The following ARHGAP18 variants were observed in gnomAD, a reference collection of about 807,000 sequenced individuals.
The protein encoded by ARHGAP18 is Rho GTPase activating protein 18.
In ARHGAP18, 67 loss-of-function variants were observed where a neutral mutation model predicts 86.2. The ratio of observed to expected loss-of-function variants is 0.78; its 90% CI spans 0.64 to 0.95. The LOEUF is 0.95. Ranked by LOEUF, ARHGAP18 falls within the 40% of genes least tolerant of loss-of-function variation. The pLI, the probability that ARHGAP18 is intolerant of heterozygous loss-of-function variation, is 0.00. For synonymous variants in ARHGAP18, 283 were observed against 280.4 expected (o/e 1.01, Z -0.09); for missense variants, 691 against 780.4 (o/e 0.89, Z 1.37).
intron 1 of ARHGAP18, among the ~76,000 whole-genome samples, chr6:129,655,600 C>CT (rs201887075): frequency 2.1e-3 from 304 of 148,128 alleles, no homozygotes; most frequent in Middle Eastern, 3.4e-3. Flanking sequence ...TTTTCTTGTT[C>CT]TTTTTTTTTT....
chr6:129,611,726 TTA>T, intron 7 of ARHGAP18, 116 bp from the exon 8 acceptor site: 1 of 800,800 alleles, frequency 1.2e-6, no homozygotes, highest in Non-Finnish European at 2.0e-6. Context: ...AAACTGGATT[TTA>T]TGAGGTTTTG....
In ARHGAP18 at chr6:129,710,022, A is replaced by C; in HGVS notation, c.113+2T>G. The C allele has an allele frequency of 6.2e-7, 1 of 1,612,488 alleles. No individual in the cohort carries two copies. The highest frequency in any genetic ancestry group is 8.5e-7 in the Non-Finnish European group (1 of 1,178,596). On this transcript the variant is annotated splice_donor_variant, in intron 1 of 14. Coordinates refer to ENST00000368149, the MANE Select transcript of ARHGAP18 (RefSeq NM_033515.3). LOFTEE classifies it high-confidence loss of function. ...TTTTGTTTTCAGCTTCCGAAGGCTT[A>C]CCTCGAGGTGGCTTCCTCCCCTGCC... is the stretch of plus-strand genomic sequence containing the variant.
intron 7 of ARHGAP18, among the ~76,000 whole-genome samples, chr6:129,613,041 T>G (rs1193027209): frequency 2.0e-5 from 3 of 151,766 alleles, no homozygotes; most frequent in Non-Finnish European, 4.4e-5. Flanking sequence ...AGACCATCCT[T>G]GTTAACATGG....
chr6:129,628,634 C>T (rs1037114754), intron 5 of ARHGAP18, among the ~76,000 whole-genome samples: 7 of 152,156 alleles, frequency 4.6e-5, no homozygotes, highest in Non-Finnish European at 8.8e-5. Context: ...AAGGCATAAA[C>T]ATCCTCCATG....
Position 129,675,057 on chromosome 6 carries a change from C to T in ARHGAP18, c.114-33039G>A, listed in dbSNP as rs191728146. 7.9e-5 allele frequency among the ~76,000 whole-genome samples: 12 copies of T among 152,274 alleles called. 1 individual carries two copies. The South Asian group carries it at 1.2e-3, about 16-fold the overall frequency. Reference sequence around the variant, plus strand: ...TTACTGAGCTCTTACCATCTGCCAGCGACTCTTAAACATCTGCACAGGTAT... The same window carrying T: ...TTACTGAGCTCTTACCATCTGCCAGTGACTCTTAAACATCTGCACAGGTAT... On this transcript the variant is annotated intron_variant, in intron 1 of 14. Transcript: ENST00000368149.
At chr6:129,695,484 C>A (rs997245932) in intron 1 of ARHGAP18, among the ~76,000 whole-genome samples, 5 of 152,150 alleles carry the variant, frequency 3.3e-5, no homozygotes, top group Non-Finnish European at 7.3e-5. Context: ...TAAGAATGGG[C>A]CTTTCATTTT....
intron 1 of ARHGAP18, among the ~76,000 whole-genome samples, chr6:129,669,236 G>C (rs987297395): frequency 2.0e-5 from 3 of 151,662 alleles, no homozygotes; most frequent in Non-Finnish European, 4.4e-5. Flanking sequence ...CAATGGCGAG[G>C]TCACGGCTCA....
intron 13 of ARHGAP18, among the ~76,000 whole-genome samples, chr6:129,580,470 G>C (rs1295700027): frequency 6.6e-6 from 1 of 152,098 alleles, no homozygotes; most frequent in Non-Finnish European, 1.5e-5. Flanking sequence ...AAGCCAAAAT[G>C]GTCCTCATAA....
intron 12 of ARHGAP18, among the ~76,000 whole-genome samples, chr6:129,593,275 C>T (rs771049432): frequency 9.2e-5 from 14 of 151,950 alleles, no homozygotes; most frequent in African/African-American, 1.7e-4. Flanking sequence ...GCCTGTGTAA[C>T]GTAGCAAGAC....
intron 1 of ARHGAP18, among the ~76,000 whole-genome samples, chr6:129,708,615 A>G (rs1774842462): frequency 2.0e-5 from 3 of 152,178 alleles, no homozygotes; most frequent in Admixed American, 2.0e-4. Context: ...CATTCTCACA[A>G]TCAAGATCCA....
intron 5 of ARHGAP18, among the ~76,000 whole-genome samples, chr6:129,625,178 T>TATTA (rs1442407263): frequency 1.2e-5 from 1 of 86,092 alleles, no homozygotes; most frequent in Non-Finnish European, 2.0e-5. Context: ...ATATGATATA[T>TATTA]TATATATTAT....
intron 1 of ARHGAP18, among the ~76,000 whole-genome samples, chr6:129,658,617 C>T (rs17811901): frequency 0.21 from 32,274 of 151,992 alleles, 3,468 homozygotes; most frequent in Non-Finnish European, 0.22. Flanking sequence ...ATTTCTAATC[C>T]CCTAGGTCAT....
In ARHGAP18 at chr6:129,631,758, A is replaced by AT. The variant is rs869109192; in HGVS notation, c.617-2237dup. On this transcript the variant is annotated intron_variant, in intron 4 of 14. Transcript: ENST00000368149. ...CTGACTTTAAGATTCAATTGCTTCT[A>AT]TTTTAAAAAAAAAAAAAGATTTTTC... Among the ~76,000 whole-genome samples the AT allele has an allele frequency of 2.7e-3, 311 of 114,298 alleles. 2 individuals are homozygous for AT. The highest frequency in any genetic ancestry group is 0.01 in the African/African-American group (298 of 29,614). The allele number at this position is 114,298 out of a possible 152,430, so 75.0% of individuals were successfully genotyped here. A position where few individuals can be genotyped will look rare whatever the true frequency, so the allele number is the denominator to read the frequency against.
Position 129,629,393 on chromosome 6 carries a change from T to C in ARHGAP18, c.746A>G (p.Glu249Gly). ...QALNQKESSK[E>G]KIQKSKGDDA... is the part of the protein sequence containing the mutation. ...ATCGCCTTTGCTCTTCTGGATTTTC[T>C]CCTTGGAGCTCTCTTTCTGATTGAG... The change falls in exon 5 of 15, where the codon GAG becomes GGG. Residue 249 changes from glutamate (E) to glycine (G), a missense_variant. Glu to Gly is a moderately conservative substitution (Grantham distance 98). Transcript: ENST00000368149. The C allele has an allele frequency of 6.2e-7, 1 of 1,613,928 alleles. No homozygotes were observed. Among genetic ancestry groups the C allele is most frequent in the Non-Finnish European group, 8.5e-7 (1 of 1,179,964 alleles).
intron 1 of ARHGAP18, among the ~76,000 whole-genome samples, chr6:129,707,650 GT>G (rs57719259): frequency 0.86 from 93,225 of 107,834 alleles, 39,761 homozygotes; most frequent in East Asian, 0.95. Context: ...GTGGTTTCTT[GT>G]TTTTTTTTTT....
chr6:129,698,761 CG>C (rs1234440355), intron 1 of ARHGAP18, among the ~76,000 whole-genome samples: 4 of 146,764 alleles, frequency 2.7e-5, no homozygotes, highest in African/African-American at 1.0e-4. Context: ...ATGGCAATCT[CG>C]GCTCACTGCA....
At position 129,672,054 on chromosome 6, in the gene ARHGAP18, G is replaced by T. The variant is rs73776358; in HGVS notation, c.114-30036C>A. ...ACAGGTCACAAACCATGACAAAGTGGGTTCCAGAAACCAGTCTCATATCAC... is the reference window on the plus strand; with the variant it reads ...ACAGGTCACAAACCATGACAAAGTGTGTTCCAGAAACCAGTCTCATATCAC... On this transcript the variant is annotated intron_variant, in intron 1 of 14. Transcript: ENST00000368149. 7.5e-3 allele frequency among the ~76,000 whole-genome samples: 1,143 copies of T among 152,038 alleles called. 11 individuals carry two copies. The highest frequency in any genetic ancestry group is 0.026 in the African/African-American group (1,089 of 41,456).
intron 1 of ARHGAP18, among the ~76,000 whole-genome samples, chr6:129,678,887 T>C (rs1027981243): frequency 3.3e-5 from 5 of 152,366 alleles, no homozygotes; most frequent in South Asian, 2.1e-4. Context: ...TTAGACAAGA[T>C]ACTATCTTAG....
chr6:129,625,842 A>G (rs1340486588), intron 5 of ARHGAP18, among the ~76,000 whole-genome samples: 1 of 83,534 alleles, frequency 1.2e-5, no homozygotes, highest in African/African-American at 4.7e-5. Flanking sequence ...ATACATTTAT[A>G]TATTATATAT....
Sources: allele counts gnomAD v4.1 joint callset (sites outside exome capture counted in the v4.1 genomes callset), GRCh38; gene constraint gnomAD v4.1.1; transcripts MANE v1.5; gene names NCBI Gene and HGNC (gene_info 2026-07-23, HGNC 2026-07-21).